The following PABPC4L variants were observed in gnomAD, a reference collection of about 807,000 sequenced individuals.
PABPC4L encodes the protein poly(A) binding protein cytoplasmic 4 like.
For missense variants in PABPC4L, 452 were observed against 451.4 expected, an observed-to-expected ratio of 1.00 and a Z score of -0.01; for synonymous variants, 169 against 164.1, an observed-to-expected ratio of 1.03 and a Z score of -0.23.
chr4:134,159,800 G>C, the PABPC4L span, among the ~76,000 whole-genome samples: 1 of 152,092 alleles, frequency 6.6e-6, no homozygotes, highest in South Asian at 2.1e-4. Flanking sequence ...ACCAGCTGCA[G>C]AAGCCCGCAG....
chr4:134,062,578 G>A, the PABPC4L span, among the ~76,000 whole-genome samples: 9 of 151,916 alleles, frequency 5.9e-5, no homozygotes, highest in Admixed American at 3.9e-4. Flanking sequence ...AAGCAGCAGA[G>A]AAACATATCC....
the PABPC4L span, among the ~76,000 whole-genome samples, chr4:134,050,586 A>C: frequency 7.3e-5 from 11 of 151,516 alleles, no homozygotes; most frequent in South Asian, 2.3e-3. Context: ...GCGCCTGTAA[A>C]CCCAGCTACT....
At chr4:134,112,205 T>G in the PABPC4L span, among the ~76,000 whole-genome samples, 1 of 152,028 alleles carries the variant, frequency 6.6e-6, no homozygotes, top group South Asian at 2.1e-4. Context: ...CTAAAAATAT[T>G]ATAAAGATAA....
chr4:134,135,410 T>C, the PABPC4L span, among the ~76,000 whole-genome samples: 1 of 152,132 alleles, frequency 6.6e-6, no homozygotes, highest in Admixed American at 6.6e-5. Context: ...CAAATGTTTA[T>C]CAAATCTGCA....
At chr4:134,030,906 C>T in the PABPC4L span, among the ~76,000 whole-genome samples, 1 of 152,032 alleles carries the variant, frequency 6.6e-6, no homozygotes, top group Non-Finnish European at 1.5e-5. Context: ...TCGTCTGAAG[C>T]AGCCAACAGA....
chr4:134,101,817 T>C, the PABPC4L span, among the ~76,000 whole-genome samples: 1 of 151,494 alleles, frequency 6.6e-6, no homozygotes, highest in Non-Finnish European at 1.5e-5. Flanking sequence ...TAAATAAATA[T>C]ATGGTAAGGC....
chr4:134,032,091 T>A, the PABPC4L span, among the ~76,000 whole-genome samples: 1 of 151,852 alleles, frequency 6.6e-6, no homozygotes, highest in East Asian at 1.9e-4. Flanking sequence ...ATCTTCTTTA[T>A]AATCATACAT....
chr4:133,949,779 G>A, the PABPC4L span, among the ~76,000 whole-genome samples: 1 of 152,130 alleles, frequency 6.6e-6, no homozygotes, highest in African/African-American at 2.4e-5. Flanking sequence ...AAGAGGCAGA[G>A]TTTGAGTCAG....
chr4:134,014,371 A>G, the PABPC4L span, among the ~76,000 whole-genome samples: 1 of 152,144 alleles, frequency 6.6e-6, no homozygotes, highest in Non-Finnish European at 1.5e-5. Context: ...CATCTCCAGC[A>G]CACAAGAACT....
chr4:134,023,564 T>C, the PABPC4L span, among the ~76,000 whole-genome samples: 13 of 152,206 alleles, frequency 8.5e-5, 1 homozygote, highest in South Asian at 6.2e-4. Context: ...TTTATTATTT[T>C]TCACTTTTTA....
downstream of PABPC4L, among the ~76,000 whole-genome samples, chr4:134,194,633 T>G (rs1340963335): frequency 2.0e-5 from 3 of 151,772 alleles, no homozygotes; most frequent in Non-Finnish European, 4.4e-5. Context: ...AGGAGGTAAT[T>G]AAATGCTTTC....
chr4:134,098,221 T>C, the PABPC4L span, among the ~76,000 whole-genome samples: 1 of 151,770 alleles, frequency 6.6e-6, no homozygotes, highest in Non-Finnish European at 1.5e-5. Flanking sequence ...TGCATGGACA[T>C]AGCGCTAGCA....
the PABPC4L span, among the ~76,000 whole-genome samples, chr4:134,145,981 T>C: frequency 3.3e-5 from 5 of 152,166 alleles, no homozygotes; most frequent in South Asian, 1.0e-3. Context: ...TAATTTGATA[T>C]TTATACATCC....
chr4:134,007,610 A>T, the PABPC4L span, among the ~76,000 whole-genome samples: 2 of 151,684 alleles, frequency 1.3e-5, no homozygotes, highest in Admixed American at 1.3e-4. Flanking sequence ...ATATGAGATT[A>T]TACCTCAATT....
the PABPC4L span, among the ~76,000 whole-genome samples, chr4:134,072,014 C>T: frequency 6.6e-6 from 1 of 150,690 alleles, no homozygotes. Context: ...GAATACATGA[C>T]ATCATGGACA....
the PABPC4L span, among the ~76,000 whole-genome samples, chr4:134,112,598 CTATCTATCTATCTATCTATA>C: frequency 1.1e-4 from 16 of 151,638 alleles, no homozygotes; most frequent in African/African-American, 3.6e-4. Flanking sequence ...ATCTATCTAT[CTATCTATCTATCTATCTATA>C]TATCTATCTA....
chr4:134,151,535 TTATAA>T, the PABPC4L span, among the ~76,000 whole-genome samples: 2 of 152,064 alleles, frequency 1.3e-5, no homozygotes, highest in African/African-American at 4.8e-5. Context: ...GAATGGTAAC[TTATAA>T]TATAAAGTCA....
chr4:133,958,662 T>C, the PABPC4L span, among the ~76,000 whole-genome samples: 1 of 152,148 alleles, frequency 6.6e-6, no homozygotes, highest in East Asian at 1.9e-4. Context: ...CTGACAATCA[T>C]GGTGGAAGGT....
At chr4:133,967,280 C>T in the PABPC4L span, among the ~76,000 whole-genome samples, 1 of 151,928 alleles carries the variant, frequency 6.6e-6, no homozygotes, top group African/African-American at 2.4e-5. Context: ...AGACCAGTCT[C>T]AGCAATATAG....
Sources: allele counts gnomAD v4.1 joint callset (sites outside exome capture counted in the v4.1 genomes callset), GRCh38; gene constraint gnomAD v4.1.1; transcripts MANE v1.5; gene names NCBI Gene and HGNC (gene_info 2026-07-23, HGNC 2026-07-21).